Variants in FGF13 observed in about 807,000 individuals in gnomAD.
FGF13 encodes fibroblast growth factor 13.
FGF13 carries 2 observed loss-of-function variants against 19.5 expected under a neutral mutation model. The observed-to-expected ratio is 0.10, with a 90% confidence interval of 0.04 to 0.32. The LOEUF (loss-of-function observed/expected upper bound fraction) is 0.32. FGF13 is among the 10% of genes least tolerant of loss of function. The probability of loss-of-function intolerance (pLI) is 1.00; values close to 1 mark genes in which losing one functional copy is unlikely to be tolerated. For missense variants in FGF13, 113 were observed against 192.7 expected, an observed-to-expected ratio of 0.59 and a Z score of 2.45; for synonymous variants, 72 against 76.9, an observed-to-expected ratio of 0.94 and a Z score of 0.33.
chrX:139,141,459 G>A (rs2083844632), intron 1 of FGF13, among the ~76,000 whole-genome samples: 1 of 111,788 alleles, frequency 8.9e-6, no homozygotes, highest in East Asian at 2.8e-4. Flanking sequence ...TCCCACTGCT[G>A]TTAGAAAAAG....
At chrX:139,043,286 A>G (rs1053578659) in intron 1 of FGF13, among the ~76,000 whole-genome samples, 1 of 110,680 alleles carries the variant, frequency 9.0e-6, no homozygotes, top group African/African-American at 3.3e-5. Flanking sequence ...ATCTCGGCTC[A>G]CTGCAACCCC....
intron 1 of FGF13, among the ~76,000 whole-genome samples, chrX:139,061,386 A>C (rs1457499614): frequency 1.8e-5 from 2 of 111,400 alleles, no homozygotes; most frequent in Non-Finnish European, 3.8e-5. Context: ...CAAATGAGTG[A>C]GTGAGTTCTG....
chrX:138,710,529 C>T (rs996028323), intron 1 of FGF13, among the ~76,000 whole-genome samples: 3 of 112,018 alleles, frequency 2.7e-5, no homozygotes, highest in African/African-American at 9.7e-5. Context: ...CTGCCCAGAG[C>T]CCACCGGGCA....
intron 3 of FGF13, among the ~76,000 whole-genome samples, chrX:138,693,753 T>C (rs1029360581): frequency 2.7e-5 from 3 of 112,005 alleles, no homozygotes; most frequent in African/African-American, 9.7e-5. Context: ...GAAGTTAAAA[T>C]ACCTTTGTGC....
At chrX:139,062,369 T>C (rs1487605420) in intron 1 of FGF13, among the ~76,000 whole-genome samples, 1 of 112,103 alleles carries the variant, frequency 8.9e-6, no homozygotes, top group East Asian at 2.8e-4. Flanking sequence ...GAATTGGTTG[T>C]AAATGCATGG....
chrX:138,850,347 G>A (rs930408580), intron 3 of FGF13, among the ~76,000 whole-genome samples: 1 of 111,439 alleles, frequency 9.0e-6, no homozygotes, highest in African/African-American at 3.3e-5. Context: ...GCTGCCATAA[G>A]GTAGGGGAAA....
intron 1 of FGF13, among the ~76,000 whole-genome samples, chrX:139,056,658 T>C (rs953011756): frequency 8.9e-6 from 1 of 112,304 alleles, no homozygotes; most frequent in Non-Finnish European, 1.9e-5. Flanking sequence ...ATAATGTGGG[T>C]GTAAATCTCC....
At chrX:138,932,617 C>T (rs1359358283) in intron 1 of FGF13, among the ~76,000 whole-genome samples, 1 of 107,615 alleles carries the variant, frequency 9.3e-6, no homozygotes, top group African/African-American at 3.4e-5. Flanking sequence ...TCAACCACAA[C>T]GACAAAAAAA....
In FGF13 at chrX:138,835,130, A is replaced by G. The variant is rs914799526; in HGVS notation, c.217+22382T>C. Reference sequence around the variant, plus strand: ...ATGTAGTGATGAGAACGTATATTCTATTGTTTTGAGTTGGAGAGTTCTGTA... The same window carrying G: ...ATGTAGTGATGAGAACGTATATTCTGTTGTTTTGAGTTGGAGAGTTCTGTA... On this transcript the variant is annotated intron_variant, in intron 3 of 6. Coordinates refer to the FGF13 transcript ENST00000436198. Among the ~76,000 whole-genome samples the G allele has an allele frequency of 5.4e-5, 6 of 111,396 alleles. 1 individual carries two copies.
chrX:139,043,307 G>T (rs947516483), intron 1 of FGF13, among the ~76,000 whole-genome samples: 2 of 110,749 alleles, frequency 1.8e-5, no homozygotes, highest in Admixed American at 1.9e-4. Flanking sequence ...CGCCTCCCAA[G>T]TTCAAGTGAT....
intron 1 of FGF13, among the ~76,000 whole-genome samples, chrX:139,059,430 AAG>A (rs769992893): frequency 5.0e-4 from 54 of 107,296 alleles, no homozygotes; most frequent in African/African-American, 1.4e-3. Flanking sequence ...TTAAAAAAAA[AAG>A]AGAGAGAGAG....
chrX:138,833,918 T>C (rs1009320507), intron 3 of FGF13, among the ~76,000 whole-genome samples: 2 of 112,179 alleles, frequency 1.8e-5, no homozygotes, highest in Non-Finnish European at 3.8e-5. Flanking sequence ...GAGATAATCA[T>C]GTGGTTTTTG....
At chrX:138,774,250 T>C (rs1353293736) in intron 3 of FGF13, among the ~76,000 whole-genome samples, 1 of 112,147 alleles carries the variant, frequency 8.9e-6, no homozygotes, top group Non-Finnish European at 1.9e-5. Context: ...ACAACTCTAA[T>C]ACTTCTGCAG....
Position 138,616,696 on chromosome X carries a change from C to T in FGF13, c.*16154G>A, listed in dbSNP as rs1012178925. 8.9e-6 allele frequency: 1 copy of T among 112,444 alleles called. No individual in the cohort carries two copies. Among genetic ancestry groups the T allele is most frequent in the Non-Finnish European group, 1.9e-5 (1 of 53,268 alleles). The allele number at this position is 112,444 out of a possible 1,213,427, so 9.3% of individuals were successfully genotyped here. ...CTGCACTGCCCTAGCAGAGGTTCTC[C>T]CTGAGAGCTCTACCCCTGCAGCAGA... On this transcript the variant is annotated 3_prime_UTR_variant, in exon 5 of 5. Transcript: ENST00000315930.
At chrX:138,960,951 G>A (rs111854260) in intron 1 of FGF13, among the ~76,000 whole-genome samples, 183 of 111,412 alleles carry the variant, frequency 1.6e-3, no homozygotes, top group African/African-American at 5.8e-3. Context: ...CGATGAGTTC[G>A]AACATCCTCC....
At chrX:138,982,506 T>C (rs958492863) in intron 1 of FGF13, among the ~76,000 whole-genome samples, 1 of 112,009 alleles carries the variant, frequency 8.9e-6, no homozygotes, top group Non-Finnish European at 1.9e-5. Context: ...AGATTATTAC[T>C]AGTGGGGGAA....
chrX:138,875,775 T>C (rs1055087895), intron 1 of FGF13, among the ~76,000 whole-genome samples: 20 of 111,422 alleles, frequency 1.8e-4, no homozygotes, highest in African/African-American at 6.2e-4. Context: ...GCCTTCAAAC[T>C]TAAGCTGAAA....
intron 3 of FGF13, among the ~76,000 whole-genome samples, chrX:138,639,442 TG>T (rs2089224334): frequency 8.9e-6 from 1 of 112,155 alleles, no homozygotes; most frequent in Non-Finnish European, 1.9e-5. Flanking sequence ...GTTAAAAAGA[TG>T]TCATGCATTC....
rs779158685 is a variant in FGF13, at chrX:138,693,045, C to A, written c.402+9939G>T. Among the ~76,000 whole-genome samples the A allele has an allele frequency of 2.7e-5, 3 of 111,249 alleles. No individual in the cohort carries two copies. In the East Asian group the frequency reaches 8.4e-4, roughly 31 times the overall value. ...TTACACCTAAAACACTAGACCATCA[C>A]CCTGAATACTTTACCCATTTTTGTT... On this transcript the variant is annotated intron_variant, in intron 3 of 4. Transcript: ENST00000315930.
Sources: allele counts gnomAD v4.1 joint callset (sites outside exome capture counted in the v4.1 genomes callset), GRCh38; gene constraint gnomAD v4.1.1; transcripts MANE v1.5; gene names NCBI Gene and HGNC (gene_info 2026-07-23, HGNC 2026-07-21).